The following INTS6 variants were observed in gnomAD, a reference collection of about 807,000 sequenced individuals.
INTS6 encodes DEAD box protein.
Under a neutral mutation model 104.9 loss-of-function variants are expected in INTS6, and 16 were observed. The ratio of observed to expected loss-of-function variants is 0.15; its 90% confidence interval spans 0.10 to 0.23. INTS6 has a LOEUF of 0.23. Ranked by LOEUF, INTS6 falls within the 10% of genes least tolerant of loss-of-function variation. The pLI, the probability that INTS6 is intolerant of heterozygous loss-of-function variation, is 1.00. For synonymous variants in INTS6, 324 were observed against 358.7 expected (o/e 0.90, Z 1.09); for missense variants, 584 against 1,062.8 (o/e 0.55, Z 6.26).
intron 3 of INTS6, chr13:51,450,181 C>T (rs1046003761): frequency 1.4e-5 from 14 of 984,914 alleles, no homozygotes; most frequent in Non-Finnish European, 1.6e-5. Flanking sequence ...AACATAAGAA[C>T]TGAGCTCCTT....
In INTS6 at chr13:51,383,316, A is replaced by G; in HGVS notation, c.1180+13T>C. On this transcript the variant is annotated intron_variant, in intron 9 of 17. Transcript: ENST00000311234. Reference sequence around the variant, plus strand: ...TATGCTAAGCCAAGGAGAAAGTGACAAGAATGACTTACCTAAGAGGGGAAG... The same window carrying G: ...TATGCTAAGCCAAGGAGAAAGTGACGAGAATGACTTACCTAAGAGGGGAAG... The G allele has an allele frequency of 6.3e-7, 1 of 1,593,358 alleles. No individual in the cohort carries two copies.
chr13:51,451,202 T>C, intron 2 of INTS6, 28 bp from the exon 3 acceptor site: 1 of 1,521,820 alleles, frequency 6.6e-7, no homozygotes, highest in Non-Finnish European at 8.8e-7. Context: ...AGATTTTTTT[T>C]TTTCATTTTT....
intron 5 of INTS6, among the ~76,000 whole-genome samples, chr13:51,392,918 C>A (rs1956268876): frequency 1.3e-5 from 2 of 151,824 alleles, no homozygotes; most frequent in African/African-American, 4.8e-5. Flanking sequence ...AAAATGCTTA[C>A]AATGACTACA....
At chr13:51,394,669 C>T (rs774910099) in intron 5 of INTS6, among the ~76,000 whole-genome samples, 5 of 152,094 alleles carry the variant, frequency 3.3e-5, no homozygotes, top group African/African-American at 4.8e-5. Flanking sequence ...CTACTGAATG[C>T]CAAAAGCATG....
At chr13:51,367,765 C>A (rs746887130) in intron 17 of INTS6, 40 bp downstream of exon 17, 1 of 1,142,426 alleles carries the variant, frequency 8.8e-7, no homozygotes, top group Non-Finnish European at 1.3e-6. Context: ...ACTGTGGACT[C>A]ATTTCATCAC....
chr13:51,426,716 T>C (rs1956991704), intron 4 of INTS6, among the ~76,000 whole-genome samples: 1 of 152,038 alleles, frequency 6.6e-6, no homozygotes. Context: ...TCATAATAGT[T>C]TTTCATGGAA....
chr13:51,422,292 A>G (rs1366802844), intron 4 of INTS6, among the ~76,000 whole-genome samples: 38 of 152,156 alleles, frequency 2.5e-4, no homozygotes, highest in Admixed American at 2.5e-3. Context: ...AAATAATACT[A>G]AACCAGTATA....
chr13:51,438,375 T>C (rs1345141861), intron 3 of INTS6: 1 of 152,098 alleles, frequency 6.6e-6, no homozygotes. Context: ...TTTATAAGCC[T>C]TCCTAACTAT....
chr13:51,353,443 G>A (rs1955430486), downstream of INTS6, among the ~76,000 whole-genome samples: 1 of 152,166 alleles, frequency 6.6e-6, no homozygotes, highest in South Asian at 2.1e-4. Context: ...CACAAGTGAG[G>A]ACTGTGACAA....
At chr13:51,404,494 C>G (rs1018589961) in intron 4 of INTS6, among the ~76,000 whole-genome samples, 1 of 152,042 alleles carries the variant, frequency 6.6e-6, no homozygotes, top group African/African-American at 2.4e-5. Flanking sequence ...AACACATGAG[C>G]TGCAAAGCCT....
In INTS6 at chr13:51,452,541, C is replaced by G. The variant is rs749814088; in HGVS notation, c.-16G>C. 6.8e-6 allele frequency: 11 copies of G among 1,608,968 alleles called. No individual in the cohort carries two copies. The South Asian group carries it at 1.2e-4, about 18-fold the overall frequency. On this transcript the variant is annotated 5_prime_UTR_variant, in exon 1 of 18. Transcript: ENST00000311234. The surrounding 1 kb of genome is among the most constrained non-coding windows in gnomAD (Gnocchi z 4.2). ...AGATGGGCATAGTGCTGGCCGGGGA[C>G]ACCGGGGCCCGAGGTGGTGGAGAAA...
chr13:51,338,099 CAT>C, the INTS6 span, among the ~76,000 whole-genome samples: 1 of 152,128 alleles, frequency 6.6e-6, no homozygotes, highest in Admixed American at 6.6e-5. Context: ...ATGGCATATT[CAT>C]AGAGTTAGAA....
chr13:51,361,312 C>T, downstream of INTS6: 1 of 1,610,246 alleles, frequency 6.2e-7, no homozygotes, highest in South Asian at 1.1e-5. Context: ...AAGCAATCCA[C>T]AAGGCCAAGA....
chr13:51,367,930 A>G, intron 16 of INTS6, 32 bp from the exon 17 acceptor site: 1 of 1,215,872 alleles, frequency 8.2e-7, no homozygotes, highest in Non-Finnish European at 1.2e-6. Flanking sequence ...AGAAAAATTA[A>G]GTGCCTTTCA....
At chr13:51,394,469 C>T (rs111990616) in intron 5 of INTS6, among the ~76,000 whole-genome samples, 1,733 of 152,172 alleles carry the variant, frequency 0.011, 26 homozygotes, top group East Asian at 0.07. Context: ...CTGGCTATGA[C>T]GAATCTCATT....
chr13:51,452,065 G>C lies in INTS6; in HGVS notation c.112-10C>G. Reference sequence around the variant, plus strand: ...GGTCCCGGGCACGGAGCTGCGGGACGGGAGGAGGAACAGGGCGGGCGACAG... The same window carrying C: ...GGTCCCGGGCACGGAGCTGCGGGACCGGAGGAGGAACAGGGCGGGCGACAG... On this transcript the variant is annotated splice_polypyrimidine_tract_variant and intron_variant, in intron 1 of 17. Transcript: ENST00000311234. The surrounding 1 kb of genome is among the most constrained non-coding windows in gnomAD (Gnocchi z 4.2). 6.2e-7 allele frequency: 1 copy of C among 1,608,816 alleles called. No individual in the cohort carries two copies. Among genetic ancestry groups the C allele is most frequent in the Non-Finnish European group, 8.5e-7 (1 of 1,177,404 alleles).
rs1256666185 is a variant in INTS6, at chr13:51,423,142, TTA to T, written c.429+7150_429+7151del. 3.4e-6 allele frequency: 3 copies of T among 879,018 alleles called. No homozygotes were observed. The African/African-American group carries it at 5.4e-5, about 16-fold the overall frequency. The allele number at this position is 879,018 out of a possible 1,614,324, so 54.5% of individuals were successfully genotyped here. A position where few individuals can be genotyped will look rare whatever the true frequency, so the allele number is the denominator to read the frequency against. ...TAAACGTATGGAGCTGCCGCTATTC[TTA>T]TACACAGCCAAAGTAACTATGTATC... is the stretch of plus-strand genomic sequence containing the variant. On this transcript the variant is annotated intron_variant, in intron 4 of 17. Transcript: ENST00000311234.
rs1953099189 is a variant in INTS6, at chr13:51,452,989, G to A, written c.-464C>T. The A allele has an allele frequency of 1.7e-5, 17 of 1,004,970 alleles. No individual in the cohort carries two copies. Among genetic ancestry groups the A allele is most frequent in the Non-Finnish European group, 2.0e-5 (17 of 841,704 alleles). The allele number at this position is 1,004,970 out of a possible 1,614,324, so 62.3% of individuals were successfully genotyped here. ...GGGAGAAGTTTCAGGGACTCCCTCC[G>A]CACCCCGGCGGTGTCACCACTTTCT... On this transcript the variant is annotated 5_prime_UTR_variant, in exon 1 of 18. Transcript: ENST00000311234. The surrounding 1 kb of genome is among the most constrained non-coding windows in gnomAD (Gnocchi z 4.2).
chr13:51,374,978 C>G (rs529196900), intron 13 of INTS6, among the ~76,000 whole-genome samples, 182 bp from the exon 14 acceptor site: 9 of 152,194 alleles, frequency 5.9e-5, no homozygotes, highest in African/African-American at 2.2e-4. Flanking sequence ...ATTTAAAATA[C>G]TGATCTCATC....
Sources: gnomAD v4.1 joint callset for allele counts (sites outside exome capture counted in the v4.1 genomes callset) on GRCh38, gnomAD v4.1.1 for gene constraint, Gnocchi (gnomAD v3.1) non-coding constraint, MANE v1.5 for transcripts, NCBI Gene and HGNC (gene_info 2026-07-23, HGNC 2026-07-21) for gene names.